IGF1R: variants seen among roughly 807,000 people sequenced by gnomAD.
IGF1R encodes the protein insulin like growth factor 1 receptor, also known as insulin-like growth factor 1 receptor.
In IGF1R, 44 loss-of-function variants were observed where a neutral mutation model predicts 144.6. That is an observed-to-expected ratio of 0.30 (90% CI 0.24 to 0.39). The LOEUF is 0.39. Ranked by LOEUF, IGF1R falls within the 10% of genes least tolerant of loss-of-function variation. The probability of loss-of-function intolerance (pLI) is 1.00; values close to 1 mark genes in which losing one functional copy is unlikely to be tolerated. For synonymous variants in IGF1R, 795 were observed against 722.8 expected, an observed-to-expected ratio of 1.10 and a Z score of -1.60; for missense variants, 1,355 against 1,833.7, an observed-to-expected ratio of 0.74 and a Z score of 4.77.
intron 1 of IGF1R, among the ~76,000 whole-genome samples, chr15:98,657,798 T>G (rs773151401): frequency 6.6e-6 from 1 of 152,236 alleles, no homozygotes; most frequent in Non-Finnish European, 1.5e-5. Flanking sequence ...GGATGGAATT[T>G]GTTCAGTTTC....
In IGF1R at chr15:98,891,210, G is replaced by A; in HGVS notation, c.641-115G>A. The A allele has an allele frequency of 1.1e-6, 1 of 929,704 alleles. No homozygotes were observed. Among genetic ancestry groups the A allele is most frequent in the African/African-American group, 1.6e-5 (1 of 61,496 alleles). 57.6% of individuals were successfully genotyped at this position (929,704 alleles called of 1,614,324 possible). A position where few individuals can be genotyped will look rare whatever the true frequency, so the allele number is the denominator to read the frequency against. ...TGTGTTTTTGCATTGTCTCCTCAATGAGTGATCTGGTGCTGGTGGTAGCAG... is the reference window on the plus strand; with the variant it reads ...TGTGTTTTTGCATTGTCTCCTCAATAAGTGATCTGGTGCTGGTGGTAGCAG... On this transcript the variant is annotated intron_variant, in intron 2 of 20. Transcript: ENST00000650285. The surrounding 1 kb of genome is among the most constrained non-coding windows in gnomAD (Gnocchi z 4.7).
At chr15:98,937,858 T>C (rs1214123404) in intron 17 of IGF1R, among the ~76,000 whole-genome samples, 1 of 152,240 alleles carries the variant, frequency 6.6e-6, no homozygotes, top group Non-Finnish European at 1.5e-5. Flanking sequence ...ACATTTCATG[T>C]GCATATTTCC....
rs550683380 is a variant in IGF1R, at chr15:98,815,215, C to T, written c.641-76110C>T. Among the ~76,000 whole-genome samples the T allele has an allele frequency of 6.6e-5, 10 of 152,346 alleles. No individual in the cohort carries two copies. In the South Asian group the frequency reaches 2.1e-3, roughly 32 times the overall value. On this transcript the variant is annotated intron_variant, in intron 2 of 20. Transcript: ENST00000650285. ...AGATGTTGTCATTTGGCTCTTGGGG[C>T]AAACCAGCTCTCTTCTGGTGAAAGA...
intron 2 of IGF1R, among the ~76,000 whole-genome samples, chr15:98,869,330 C>T (rs1464388606): frequency 6.6e-6 from 1 of 150,736 alleles, no homozygotes; most frequent in East Asian, 1.9e-4. Flanking sequence ...AAAAACACCA[C>T]ATACCGCATG....
chr15:98,860,862 T>TA (rs775172373), intron 2 of IGF1R, among the ~76,000 whole-genome samples: 2 of 152,238 alleles, frequency 1.3e-5, no homozygotes, highest in African/African-American at 2.4e-5. Context: ...CTAAGCTTGT[T>TA]AGAGTTATGT....
At chr15:98,780,044 A>G (rs577489923) in intron 2 of IGF1R, among the ~76,000 whole-genome samples, 1 of 150,614 alleles carries the variant, frequency 6.6e-6, no homozygotes, top group East Asian at 2.0e-4. Context: ...ACACACTTTA[A>G]CTCCACCTCT....
chr15:98,688,413 C>CGT (rs2053388927), intron 1 of IGF1R, among the ~76,000 whole-genome samples: 1 of 105,766 alleles, frequency 9.5e-6, no homozygotes, highest in Non-Finnish European at 2.0e-5. Flanking sequence ...ACAACACACA[C>CGT]CTGTGTGTGT....
At chr15:98,765,276 C>A (rs949296650) in intron 2 of IGF1R, among the ~76,000 whole-genome samples, 5 of 141,822 alleles carry the variant, frequency 3.5e-5, no homozygotes, top group East Asian at 2.1e-4. Flanking sequence ...TAATGTATAT[C>A]TCTCTCTCTC....
At position 98,661,956 on chromosome 15, in the gene IGF1R, C is replaced by CTTTTTTTTTTTTTTTTTTTTT. The variant is rs869208651; in HGVS notation, c.94+12287_94+12307dup. ...GAATTGCTGCCAGTTGAATAGGGCC[C>CTTTTTTTTTTTTTTTTTTTTT]TTTTTTTTTTTTTTTTTTTTTTTTT... On this transcript the variant is annotated intron_variant, in intron 1 of 20. Transcript: ENST00000650285. Among the ~76,000 whole-genome samples the CTTTTTTTTTTTTTTTTTTTTT allele has an allele frequency of 1.2e-4, 13 of 105,716 alleles. 1 individual carries two copies. The highest frequency in any genetic ancestry group is 4.9e-4 in the Admixed American group (5 of 10,202). 69.4% of individuals were successfully genotyped at this position (105,716 alleles called of 152,430 possible).
chr15:98,877,489 C>CTTTTTTTTT (rs5814908), intron 2 of IGF1R, among the ~76,000 whole-genome samples: 1 of 85,588 alleles, frequency 1.2e-5, no homozygotes, highest in African/African-American at 4.8e-5. Flanking sequence ...CACTAGCAGC[C>CTTTTTTTTT]TTTTTTTTTT....
intron 2 of IGF1R, among the ~76,000 whole-genome samples, chr15:98,742,429 G>A (rs1482590079): frequency 6.6e-6 from 1 of 152,168 alleles, no homozygotes; most frequent in Non-Finnish European, 1.5e-5. Context: ...TGTGGTGGGG[G>A]GCAAGGTGGA....
At chr15:98,780,549 C>CA (rs1192949160) in intron 2 of IGF1R, among the ~76,000 whole-genome samples, 1,637 of 23,928 alleles carry the variant, frequency 0.068, 61 homozygotes, top group East Asian at 0.22. Context: ...AACTCTGTCT[C>CA]AAAAAAAAAA....
At chr15:98,678,874 C>T (rs1020539921) in intron 1 of IGF1R, among the ~76,000 whole-genome samples, 45 of 150,846 alleles carry the variant, frequency 3.0e-4, no homozygotes, top group African/African-American at 1.0e-3. Context: ...AAAGGTCTTC[C>T]ATGGGTGTTG....
intron 2 of IGF1R, among the ~76,000 whole-genome samples, chr15:98,852,875 T>G (rs1366072852): frequency 6.6e-6 from 1 of 152,236 alleles, no homozygotes; most frequent in South Asian, 2.1e-4. Flanking sequence ...ATTCTGGCTT[T>G]CTTCTCTTCC....
intron 2 of IGF1R, among the ~76,000 whole-genome samples, chr15:98,869,459 C>T (rs2715441): frequency 6.8e-6 from 1 of 146,192 alleles, no homozygotes; most frequent in African/African-American, 2.5e-5. Flanking sequence ...TTTTAGACGG[C>T]GTTTCGCCCT....
intron 2 of IGF1R, among the ~76,000 whole-genome samples, chr15:98,811,986 G>C (rs1363987138): frequency 2.6e-5 from 4 of 152,196 alleles, no homozygotes; most frequent in Non-Finnish European, 5.9e-5. Flanking sequence ...CATCTTTTCT[G>C]TGCCCTCTGA....
At position 98,923,917 on chromosome 15, in the gene IGF1R, A is replaced by T; in HGVS notation, c.2527A>T (p.Arg843Trp). The T allele has an allele frequency of 1.9e-6, 3 of 1,612,978 alleles. No individual in the cohort carries two copies. The highest frequency in any genetic ancestry group is 2.5e-6 in the Non-Finnish European group (3 of 1,178,890). The change falls in exon 12 of 21, where the codon AGG (arginine) becomes TGG (tryptophan). Residue 843 changes from arginine (R) to tryptophan (W), a missense_variant. Arg to Trp is a moderately radical substitution (Grantham distance 101, BLOSUM62 -3). Around this residue, in one of 7 missense-constraint regions of IGF1R, gnomAD observed 880 missense variants for 1,202.7 expected, o/e 0.73. Coordinates refer to ENST00000650285, the MANE Select transcript of IGF1R (RefSeq NM_000875.5). The stretch of plus-strand genomic sequence containing the variant: ...TCCTGGGCCAGTGACCTGGGAGCCA[A>T]GGCCTGAAAACTCCATCTTTTTAAA... ...DIPGPVTWEP[R>W]PENSIFLKWP... is the part of the protein sequence containing the mutation.
At chr15:98,725,652 TC>T (rs1398412778) in intron 2 of IGF1R, among the ~76,000 whole-genome samples, 3 of 152,200 alleles carry the variant, frequency 2.0e-5, no homozygotes, top group African/African-American at 7.2e-5. Context: ...CTGACCCCAC[TC>T]CCCGTCTGGA....
intron 10 of IGF1R, among the ~76,000 whole-genome samples, chr15:98,918,522 T>C (rs2015347189): frequency 6.6e-6 from 1 of 152,184 alleles, no homozygotes; most frequent in Admixed American, 6.5e-5. Context: ...CATTATTTCC[T>C]TTTGAGAGTG....
Sources: gnomAD v4.1 joint callset for allele counts (sites outside exome capture counted in the v4.1 genomes callset) on GRCh38, gnomAD v4.1.1 for gene constraint, gnomAD v4.1.1 regional missense constraint, Gnocchi (gnomAD v3.1) non-coding constraint, MANE v1.5 for transcripts, NCBI Gene and HGNC (gene_info 2026-07-23, HGNC 2026-07-21) for gene names.